Variants in NCAM2 observed in about 807,000 individuals in gnomAD.
NCAM2 encodes neural cell adhesion molecule 2.
NCAM2 carries 30 observed loss-of-function variants against 98.1 expected under a neutral mutation model. The ratio of observed to expected loss-of-function variants is 0.31; its 90% CI spans 0.23 to 0.41. The LOEUF (loss-of-function observed/expected upper bound fraction) is 0.41, where lower values mean the gene tolerates loss of function less well. NCAM2 is among the 10% of genes least tolerant of loss of function. The pLI is 1.00. For synonymous variants in NCAM2, 368 were observed against 342.4 expected (o/e 1.07, Z -0.83); for missense variants, 867 against 1,005.8 (o/e 0.86, Z 1.87).
intron 15 of NCAM2, among the ~76,000 whole-genome samples, chr21:21,499,548 A>G (rs1987486210): frequency 6.6e-6 from 1 of 152,120 alleles, no homozygotes; most frequent in Non-Finnish European, 1.5e-5. Context: ...GCCAATAACA[A>G]TAAATTTTAA....
intron 1 of NCAM2, among the ~76,000 whole-genome samples, chr21:21,075,360 GAAAT>G (rs1404022245): frequency 6.6e-6 from 1 of 152,054 alleles, no homozygotes; most frequent in African/African-American, 2.4e-5. Context: ...GAAAAACAAA[GAAAT>G]ACAGTTCATT....
At chr21:21,139,329 C>T (rs2067121301) in intron 1 of NCAM2, among the ~76,000 whole-genome samples, 1 of 152,200 alleles carries the variant, frequency 6.6e-6, no homozygotes, top group South Asian at 2.1e-4. Flanking sequence ...GGACTTCCAG[C>T]CTGAAGAGCT....
At chr21:21,409,000 T>C (rs753472659) in intron 9 of NCAM2, among the ~76,000 whole-genome samples, 29 of 118,606 alleles carry the variant, frequency 2.4e-4, no homozygotes, top group Non-Finnish European at 5.5e-4. Context: ...TAATAAAATA[T>C]TTAAAAGTTA....
At chr21:21,494,026 AAGAT>A (rs1786297623) in intron 15 of NCAM2, among the ~76,000 whole-genome samples, 1 of 151,962 alleles carries the variant, frequency 6.6e-6, no homozygotes. Flanking sequence ...TGAAATATCT[AAGAT>A]AGAATGCAGT....
chr21:21,003,528 C>T (rs1033498306), intron 1 of NCAM2, among the ~76,000 whole-genome samples: 3 of 152,116 alleles, frequency 2.0e-5, no homozygotes, highest in African/African-American at 7.2e-5. Context: ...GACCTTGATG[C>T]TCGGCCATGA....
At chr21:21,336,842 T>C (rs190123594) in intron 7 of NCAM2, among the ~76,000 whole-genome samples, 13 of 152,292 alleles carry the variant, frequency 8.5e-5, no homozygotes, top group African/African-American at 2.4e-4. Flanking sequence ...TCAGGAAGCA[T>C]TGAATAAAGA....
At chr21:21,516,985 G>A (rs1388592404) in intron 16 of NCAM2, among the ~76,000 whole-genome samples, 1 of 152,076 alleles carries the variant, frequency 6.6e-6, no homozygotes, top group Non-Finnish European at 1.5e-5. Flanking sequence ...ATAAATGTCT[G>A]CGTCTGGTCC....
At position 21,540,906 on chromosome 21, in the gene NCAM2, T is replaced by C. The variant is rs1324792207; in HGVS notation, c.*2949T>C. Reference sequence around the variant, plus strand: ...ATTTTACAATGATTGTCAAAGGAATTTAAGAATTGTATTTTTAAAGATTTA... The same window carrying C: ...ATTTTACAATGATTGTCAAAGGAATCTAAGAATTGTATTTTTAAAGATTTA... On this transcript the variant is annotated 3_prime_UTR_variant, in exon 18 of 18. Transcript: ENST00000400546. 2 of 152,046 alleles carry C rather than the reference T, an allele frequency of 1.3e-5. No homozygotes were observed. Among genetic ancestry groups the C allele is most frequent in the East Asian group, 3.9e-4 (2 of 5,180 alleles). 9.4% of individuals were successfully genotyped at this position (152,046 alleles called of 1,614,324 possible).
chr21:21,330,232 G>A (rs896595387), intron 6 of NCAM2, among the ~76,000 whole-genome samples: 1 of 151,758 alleles, frequency 6.6e-6, no homozygotes, highest in Non-Finnish European at 1.5e-5. Flanking sequence ...TGCTTAAGGT[G>A]GACTCATGTC....
At chr21:21,139,574 G>T (rs2067125845) in intron 1 of NCAM2, among the ~76,000 whole-genome samples, 1 of 152,132 alleles carries the variant, frequency 6.6e-6, no homozygotes, top group Non-Finnish European at 1.5e-5. Context: ...ACAGTCTATA[G>T]ATATTTTATC....
chr21:21,254,778 C>T (rs1353900052), intron 1 of NCAM2, among the ~76,000 whole-genome samples: 1 of 151,932 alleles, frequency 6.6e-6, no homozygotes, highest in African/African-American at 2.4e-5. Context: ...AGAAGATCAC[C>T]TCGGCGATAG....
At chr21:21,017,924 G>A (rs1343343111) in intron 1 of NCAM2, among the ~76,000 whole-genome samples, 1 of 152,072 alleles carries the variant, frequency 6.6e-6, no homozygotes, top group Non-Finnish European at 1.5e-5. Context: ...GCATACAGAA[G>A]CTTGGGGAAA....
intron 5 of NCAM2, among the ~76,000 whole-genome samples, chr21:21,315,066 A>AT (rs762920780): frequency 2.8e-4 from 43 of 152,112 alleles, no homozygotes; most frequent in African/African-American, 9.2e-4. Context: ...GAAAATGCTC[A>AT]CTTTTTTTGT....
At chr21:21,462,825 T>C (rs557643626) in intron 12 of NCAM2, among the ~76,000 whole-genome samples, 6 of 152,116 alleles carry the variant, frequency 3.9e-5, no homozygotes, top group Non-Finnish European at 8.8e-5. Context: ...CATGATTGTT[T>C]ATAATTTTTG....
chr21:21,463,030 G>A (rs9980039), intron 12 of NCAM2, among the ~76,000 whole-genome samples: 6,604 of 152,096 alleles, frequency 0.043, 482 homozygotes, highest in African/African-American at 0.15. Context: ...CTGTTGTTCT[G>A]TTTGTATATG....
intron 13 of NCAM2, 110 bp from the exon 14 acceptor site, chr21:21,468,552 C>T: frequency 1.9e-6 from 2 of 1,040,946 alleles, no homozygotes; most frequent in Non-Finnish European, 1.3e-6. Context: ...ATGGTAAATC[C>T]AGGATAACAC....
intron 1 of NCAM2, among the ~76,000 whole-genome samples, chr21:21,051,885 T>A (rs1350010168): frequency 6.6e-6 from 1 of 152,214 alleles, no homozygotes; most frequent in Non-Finnish European, 1.5e-5. Context: ...GTGGCACAGA[T>A]AAGCGACTGC....
intron 8 of NCAM2, among the ~76,000 whole-genome samples, chr21:21,356,325 AT>A: frequency 6.6e-6 from 1 of 152,206 alleles, no homozygotes; most frequent in South Asian, 2.1e-4. Context: ...TAATATTGTC[AT>A]TTATGGTTCG....
intron 8 of NCAM2, among the ~76,000 whole-genome samples, chr21:21,340,839 G>T (rs1266157015): frequency 6.6e-6 from 1 of 151,876 alleles, no homozygotes; most frequent in Non-Finnish European, 1.5e-5. Context: ...TGAGTTCAAA[G>T]AGTCCAAATA....
Sources: gnomAD v4.1 joint callset for allele counts (sites outside exome capture counted in the v4.1 genomes callset) on GRCh38, gnomAD v4.1.1 for gene constraint, MANE v1.5 for transcripts, NCBI Gene and HGNC (gene_info 2026-07-23, HGNC 2026-07-21) for gene names.